Variants in PDZRN4 observed in about 807,000 individuals in gnomAD.
PDZRN4 encodes PDZ domain containing ring finger 4.
Under a neutral mutation model 99.0 loss-of-function variants are expected in PDZRN4, and 70 were observed. The ratio of observed to expected loss-of-function variants is 0.71; its 90% confidence interval spans 0.58 to 0.86. The LOEUF is 0.86. Ranked by LOEUF, PDZRN4 falls within the 40% of genes least tolerant of loss-of-function variation. The pLI is 0.00. For missense variants in PDZRN4, 1,474 were observed against 1,331.2 expected (o/e 1.11, Z -1.67); for synonymous variants, 551 against 501.6 (o/e 1.10, Z -1.32).
chr12:41,317,545 C>A (rs561477522), intron 3 of PDZRN4, among the ~76,000 whole-genome samples: 13 of 151,772 alleles, frequency 8.6e-5, no homozygotes, highest in Non-Finnish European at 1.9e-4. Context: ...CCAAGTTGAC[C>A]CATAAAATTA....
At chr12:41,226,817 C>G (rs895489018) in intron 3 of PDZRN4, among the ~76,000 whole-genome samples, 13 of 152,088 alleles carry the variant, frequency 8.5e-5, no homozygotes, top group Admixed American at 7.2e-4. Context: ...TAATCAGTGG[C>G]CAGATATCAT....
At chr12:41,282,105 G>T (rs1951389573) in intron 3 of PDZRN4, among the ~76,000 whole-genome samples, 1 of 152,062 alleles carries the variant, frequency 6.6e-6, no homozygotes, top group Non-Finnish European at 1.5e-5. Context: ...AAGATCCATT[G>T]GTGTGCTGTA....
intron 3 of PDZRN4, among the ~76,000 whole-genome samples, chr12:41,482,244 A>C (rs1304412748): frequency 1.3e-5 from 2 of 152,188 alleles, no homozygotes; most frequent in African/African-American, 4.8e-5. Flanking sequence ...TTTCCTTGTC[A>C]TCTCTCTCTG....
intron 3 of PDZRN4, among the ~76,000 whole-genome samples, chr12:41,265,276 A>G (rs758861365): frequency 1.3e-5 from 2 of 152,224 alleles, no homozygotes; most frequent in Non-Finnish European, 2.9e-5. Flanking sequence ...TGCATGGTTT[A>G]TAAATGCAAG....
chr12:41,506,740 C>A (rs1277781720), intron 4 of PDZRN4, 28 bp downstream of exon 4: 2 of 1,579,442 alleles, frequency 1.3e-6, no homozygotes, highest in Admixed American at 3.5e-5. Context: ...CTTCCAAAGC[C>A]CTGTTTGTTT....
At chr12:41,470,801 C>T (rs2608715) in intron 3 of PDZRN4, among the ~76,000 whole-genome samples, 82,036 of 151,868 alleles carry the variant, frequency 0.54, 23,268 homozygotes, top group African/African-American at 0.73. Context: ...AAGAACGAGC[C>T]TCATGGCCAA....
chr12:41,555,702 A>C lies in PDZRN4; in HGVS notation c.1307A>C (p.Asp436Ala). The C allele has an allele frequency of 6.2e-7, 1 of 1,613,718 alleles. No individual in the cohort carries two copies. Among genetic ancestry groups the C allele is most frequent in the Non-Finnish European group, 8.5e-7 (1 of 1,179,700 alleles). ...TGTATGTCCTCTTCATTACAGGTTG[A>C]CCCAAATAGCATTGCTGCCAAAGAC... ...EDTGIYVSEVDPNSIAAKDGR... is the reference protein window; with the variant it reads ...EDTGIYVSEVAPNSIAAKDGR... The change falls in exon 7 of 10, where the codon GAC (aspartate) becomes GCC (alanine). Residue 436 changes from aspartate to alanine, a missense_variant. Asp to Ala is a moderately radical substitution (Grantham distance 126). Transcript: ENST00000402685.
intron 3 of PDZRN4, among the ~76,000 whole-genome samples, chr12:41,427,115 G>A (rs771036674): frequency 6.6e-6 from 1 of 152,156 alleles, no homozygotes; most frequent in Non-Finnish European, 1.5e-5. Context: ...CCATATGGCT[G>A]TTTTCTGCTT....
chr12:41,384,204 C>A (rs1952148649), intron 3 of PDZRN4, among the ~76,000 whole-genome samples: 1 of 151,944 alleles, frequency 6.6e-6, no homozygotes, highest in African/African-American at 2.4e-5. Context: ...AACAAAAAGT[C>A]ATTTGAATAA....
intron 3 of PDZRN4, among the ~76,000 whole-genome samples, chr12:41,309,050 G>A (rs1951588955): frequency 6.6e-6 from 1 of 151,962 alleles, no homozygotes; most frequent in South Asian, 2.1e-4. Context: ...GAGAGACCTA[G>A]ATTAAAGACC....
intron 3 of PDZRN4, among the ~76,000 whole-genome samples, chr12:41,312,700 T>C (rs546658315): frequency 2.3e-4 from 35 of 152,222 alleles, no homozygotes; most frequent in Admixed American, 9.8e-4. Flanking sequence ...TCACTATTAC[T>C]AGAACAGCAT....
intron 3 of PDZRN4, among the ~76,000 whole-genome samples, chr12:41,378,932 AT>A (rs1283612141): frequency 3.3e-5 from 5 of 152,212 alleles, no homozygotes; most frequent in African/African-American, 1.2e-4. Flanking sequence ...CTCTCAGGGA[AT>A]AAATTATTTG....
intron 3 of PDZRN4, among the ~76,000 whole-genome samples, chr12:41,452,449 A>AAAAAAAAG (rs71081741): frequency 7.1e-6 from 1 of 141,770 alleles, no homozygotes; most frequent in African/African-American, 2.7e-5. Flanking sequence ...AAAAAAAAAA[A>AAAAAAAAG]AAAGAAAGAA....
At chr12:41,538,244 C>T (rs1200857815) in intron 5 of PDZRN4, among the ~76,000 whole-genome samples, 1 of 151,950 alleles carries the variant, frequency 6.6e-6, no homozygotes, top group African/African-American at 2.4e-5. Context: ...CTAGAGCTAA[C>T]TACTATTTCC....
intron 3 of PDZRN4, among the ~76,000 whole-genome samples, chr12:41,261,911 C>T (rs902414797): frequency 3.3e-5 from 5 of 152,054 alleles, no homozygotes. Context: ...AGATCCATGC[C>T]AGAGAACATG....
intron 8 of PDZRN4, among the ~76,000 whole-genome samples, chr12:41,566,982 C>T (rs1450707521): frequency 6.6e-6 from 1 of 152,110 alleles, no homozygotes; most frequent in East Asian, 1.9e-4. Flanking sequence ...CACCAGTTTT[C>T]CACTTCACTT....
chr12:41,354,730 C>G (rs550635176), intron 3 of PDZRN4, among the ~76,000 whole-genome samples: 1 of 151,976 alleles, frequency 6.6e-6, no homozygotes, highest in Non-Finnish European at 1.5e-5. Flanking sequence ...TATTTTACAT[C>G]TAAGATCCTT....
chr12:41,444,222 C>T lies in PDZRN4; in HGVS notation c.844-62234C>T, dbSNP rs1437753462. On this transcript the variant is annotated intron_variant, in intron 3 of 9. Coordinates refer to ENST00000402685, the MANE Select transcript of PDZRN4 (RefSeq NM_001164595.2). The stretch of plus-strand genomic sequence containing the variant: ...CTGCTGGGCGTGCTGTCAGCAAAAG[C>T]CTTTAATTTTAGGCTCCACTTTAAC... Among the ~76,000 whole-genome samples, 2 of 152,102 alleles carry T rather than the reference C, an allele frequency of 1.3e-5. 1 individual carries two copies. The highest frequency in any genetic ancestry group is 4.8e-5 in the African/African-American group (2 of 41,422).
At chr12:41,338,783 C>T (rs1266349079) in intron 3 of PDZRN4, among the ~76,000 whole-genome samples, 1 of 151,780 alleles carries the variant, frequency 6.6e-6, no homozygotes, top group Non-Finnish European at 1.5e-5. Flanking sequence ...ACCAACCGAT[C>T]ACAAGTGAGA....
Sources: gnomAD v4.1 joint callset for allele counts (sites outside exome capture counted in the v4.1 genomes callset) on GRCh38, gnomAD v4.1.1 for gene constraint, MANE v1.5 for transcripts, NCBI Gene and HGNC (gene_info 2026-07-23, HGNC 2026-07-21) for gene names.